RNF111: variants seen among roughly 807,000 people sequenced by gnomAD.
The protein encoded by RNF111 is E3 ubiquitin-protein ligase Arkadia.
A neutral mutation model predicts 95.1 loss-of-function variants in RNF111; 17 were observed. That is an observed-to-expected ratio of 0.18 (90% CI 0.12 to 0.27). The LOEUF (loss-of-function observed/expected upper bound fraction) is 0.27, where lower values mean the gene tolerates loss of function less well. Among genes scored for constraint, RNF111 ranks in the 10% least tolerant of loss-of-function variants. The pLI is 1.00. For missense variants in RNF111, 1,189 were observed against 1,210.4 expected, an observed-to-expected ratio of 0.98 and a Z score of 0.26; for synonymous variants, 440 against 414.8, an observed-to-expected ratio of 1.06 and a Z score of -0.74.
intron 2 of RNF111, among the ~76,000 whole-genome samples, chr15:59,051,511 C>T (rs2041982578): frequency 1.3e-5 from 2 of 150,604 alleles, no homozygotes; most frequent in Non-Finnish European, 2.9e-5. Flanking sequence ...TGCAGTGGCT[C>T]ACGCCTATAA....
At chr15:58,992,498 G>T (rs935345803) in intron 1 of RNF111, among the ~76,000 whole-genome samples, 13 of 152,158 alleles carry the variant, frequency 8.5e-5, no homozygotes, top group African/African-American at 2.7e-4. Context: ...GCTTTTGTGA[G>T]GTTTGAAAAT....
chr15:59,050,226 G>A (rs1171174975), intron 2 of RNF111: 1 of 152,060 alleles, frequency 6.6e-6, no homozygotes, highest in Non-Finnish European at 1.5e-5. Flanking sequence ...CACCATGCTC[G>A]ACTAATTATT....
At chr15:59,073,397 C>T (rs34407560) in intron 6 of RNF111, among the ~76,000 whole-genome samples, 40,648 of 151,698 alleles carry the variant, frequency 0.27, 5,557 homozygotes, top group Middle Eastern at 0.43. Context: ...AAGATAATTG[C>T]CTGAACCTGG....
At chr15:59,005,061 A>G (rs2141477671) in intron 1 of RNF111, among the ~76,000 whole-genome samples, 1 of 152,320 alleles carries the variant, frequency 6.6e-6, no homozygotes, top group East Asian at 1.9e-4. Context: ...AGTTCACTTT[A>G]TGGGCTTGAT....
At chr15:59,048,910 C>G (rs1231666109) in intron 2 of RNF111, among the ~76,000 whole-genome samples, 1 of 151,892 alleles carries the variant, frequency 6.6e-6, no homozygotes, top group African/African-American at 2.4e-5. Flanking sequence ...GGGCAGTGTA[C>G]TAAGATCCTG....
chr15:59,082,067 G>T (rs1489953924), intron 8 of RNF111, among the ~76,000 whole-genome samples: 2 of 152,138 alleles, frequency 1.3e-5, no homozygotes, highest in Non-Finnish European at 2.9e-5. Context: ...GACACAGGGA[G>T]ACCCTGTCTC....
At chr15:59,048,405 A>C (rs1363544793) in intron 2 of RNF111, among the ~76,000 whole-genome samples, 1 of 152,232 alleles carries the variant, frequency 6.6e-6, no homozygotes, top group Non-Finnish European at 1.5e-5. Flanking sequence ...ACCAATTCAT[A>C]ATGACAGAGA....
At position 59,091,279 on chromosome 15, in the gene RNF111, A is replaced by T; in HGVS notation, c.2739+125A>T. The T allele has an allele frequency of 9.7e-6, 5 of 517,246 alleles. No homozygotes were observed. The South Asian group carries it at 1.7e-4, about 17-fold the overall frequency. The allele number at this position is 517,246 out of a possible 1,614,324, so 32.0% of individuals were successfully genotyped here. A position where few individuals can be genotyped will look rare whatever the true frequency, so the allele number is the denominator to read the frequency against. ...TTGAAGTAATGCATACATATTGTTTAAAAATTTTGGAAAGTATAAAAAATA... is the reference window on the plus strand; with the variant it reads ...TTGAAGTAATGCATACATATTGTTTTAAAATTTTGGAAAGTATAAAAAATA... On this transcript the variant is annotated intron_variant, in intron 12 of 13. Coordinates refer to ENST00000348370, the MANE Select transcript of RNF111 (RefSeq NM_017610.8).
intron 1 of RNF111, among the ~76,000 whole-genome samples, chr15:59,023,455 T>G (rs2040446396): frequency 6.6e-6 from 1 of 152,204 alleles, no homozygotes; most frequent in Non-Finnish European, 1.5e-5. Context: ...GTAGTATATT[T>G]TTGTTATTCT....
At chr15:59,023,892 AG>A (rs2040469155) in intron 1 of RNF111, among the ~76,000 whole-genome samples, 1 of 152,180 alleles carries the variant, frequency 6.6e-6, no homozygotes, top group Non-Finnish European at 1.5e-5. Context: ...TGAGACCCTA[AG>A]GGACATGAAG....
rs34086812 is a variant in RNF111 at position 59,081,139 on chromosome 15, G to A, written c.2152G>A (p.Ala718Thr). ...ACCAACTCACTTAGCCAGTACAGCT[G>A]CACCAATCCCTCAGCATCTTCCTCC... ...PPPTHLASTAAPIPQHLPPTH... is the reference protein window; with the variant it reads ...PPPTHLASTATPIPQHLPPTH... The change falls in exon 8 of 14, where the codon GCA (alanine) becomes ACA (threonine). Residue 718 changes from alanine (A) to threonine (T), a missense_variant. Physicochemically the swap from Ala to Thr is moderately conservative, Grantham distance 58. Transcript: ENST00000348370. 1,611 of 1,614,032 alleles carry A rather than the reference G, an allele frequency of 1.0e-3. 19 individuals carry two copies. The African/African-American group carries it at 0.02, about 20-fold the overall frequency.
At chr15:59,015,516 C>T (rs1472897629) in intron 1 of RNF111, among the ~76,000 whole-genome samples, 3 of 152,128 alleles carry the variant, frequency 2.0e-5, no homozygotes, top group Non-Finnish European at 2.9e-5. Flanking sequence ...GACTTTCCCT[C>T]TAGCCTGTTC....
At chr15:59,078,881 A>G (rs59282449) in intron 7 of RNF111, among the ~76,000 whole-genome samples, 38,198 of 151,130 alleles carry the variant, frequency 0.25, 4,997 homozygotes, top group East Asian at 0.42. Flanking sequence ...AAAAAAAAAA[A>G]AGAGAGGTAT....
intron 9 of RNF111, 81 bp downstream of exon 9, chr15:59,084,335 C>T (rs1566942647): frequency 1.5e-6 from 2 of 1,312,278 alleles, no homozygotes; most frequent in Non-Finnish European, 1.0e-6. Context: ...TGATTGATTG[C>T]TTTGCAGAAG....
intron 1 of RNF111, among the ~76,000 whole-genome samples, chr15:58,997,440 C>T (rs2039126494): frequency 6.6e-6 from 1 of 151,852 alleles, no homozygotes; most frequent in Non-Finnish European, 1.5e-5. Flanking sequence ...AAACTAATGG[C>T]CCTGTAGCAC....
chr15:59,077,191 T>C (rs1417522548), intron 7 of RNF111, among the ~76,000 whole-genome samples: 2 of 152,272 alleles, frequency 1.3e-5, no homozygotes, highest in Non-Finnish European at 2.9e-5. Context: ...TATTTTGTAA[T>C]ACTTGATGGT....
intron 1 of RNF111, among the ~76,000 whole-genome samples, chr15:58,991,643 A>T (rs1184804450): frequency 8.5e-5 from 13 of 152,226 alleles, no homozygotes; most frequent in Admixed American, 5.2e-4. Context: ...AGCCATAGTG[A>T]CGATTTGGAG....
At chr15:59,052,735 G>A (rs1047258204) in intron 3 of RNF111, among the ~76,000 whole-genome samples, 28 of 151,956 alleles carry the variant, frequency 1.8e-4, no homozygotes, top group African/African-American at 7.2e-5. Context: ...TTCAAAGCAG[G>A]CTGCATTAAA....
chr15:59,050,869 A>G (rs1468922096), intron 2 of RNF111, among the ~76,000 whole-genome samples: 3 of 152,208 alleles, frequency 2.0e-5, no homozygotes, highest in Non-Finnish European at 4.4e-5. Flanking sequence ...GTAAATTTCC[A>G]GTATGTATTT....
Sources: allele counts gnomAD v4.1 joint callset (sites outside exome capture counted in the v4.1 genomes callset), GRCh38; gene constraint gnomAD v4.1.1; transcripts MANE v1.5; gene names NCBI Gene and HGNC (gene_info 2026-07-23, HGNC 2026-07-21).